Variants in RYR2 observed in about 807,000 individuals in gnomAD.
The protein encoded by RYR2 is cardiac muscle ryanodine receptor-calcium release channel.
A neutral mutation model predicts 601.1 loss-of-function variants in RYR2; 227 were observed. The ratio of observed to expected loss-of-function variants is 0.38; its 90% CI spans 0.34 to 0.42. The LOEUF (loss-of-function observed/expected upper bound fraction) is 0.42, where lower values mean the gene tolerates loss of function less well. RYR2 is among the 10% of genes least tolerant of loss of function. The pLI is 1.00. For missense variants in RYR2, 4,646 were observed against 6,156.5 expected, an observed-to-expected ratio of 0.75 and a Z score of 8.21; for synonymous variants, 2,223 against 2,175.1, an observed-to-expected ratio of 1.02 and a Z score of -0.61.
intron 101 of RYR2, among the ~76,000 whole-genome samples, chr1:237,826,169 A>G (rs1663063067): frequency 2.0e-5 from 3 of 152,192 alleles, no homozygotes; most frequent in Non-Finnish European, 2.9e-5. Context: ...TACTGGGGAT[A>G]TATCCAAAGA....
At position 237,114,462 on chromosome 1, in the gene RYR2, G is replaced by T. The variant is rs138138970; in HGVS notation, c.48+71893G>T. On this transcript the variant is annotated intron_variant, in intron 1 of 104. Coordinates refer to ENST00000366574, the MANE Select transcript of RYR2 (RefSeq NM_001035.3). The stretch of plus-strand genomic sequence containing the variant: ...AAGTAACACTGAATTAAAGAAGTTT[G>T]TATTTCAGAGTGGAAGAGTACAGTA... 9.7e-3 allele frequency among the ~76,000 whole-genome samples: 1,470 copies of T among 152,320 alleles called. 20 individuals are homozygous for T. Among genetic ancestry groups the T allele is most frequent in the South Asian group, 0.042 (204 of 4,828 alleles).
At chr1:237,136,435 A>G (rs1242732778) in intron 1 of RYR2, among the ~76,000 whole-genome samples, 1 of 152,148 alleles carries the variant, frequency 6.6e-6, no homozygotes, top group Non-Finnish European at 1.5e-5. Flanking sequence ...GCTATAAATG[A>G]CATAGGGTCA....
chr1:237,173,454 C>T (rs1459535005), intron 1 of RYR2, among the ~76,000 whole-genome samples: 1 of 152,176 alleles, frequency 6.6e-6, no homozygotes, highest in African/African-American at 2.4e-5. Flanking sequence ...AGGACTCCTA[C>T]ACTTGAAAAG....
At chr1:237,624,364 C>A (rs1057078526) in intron 39 of RYR2, among the ~76,000 whole-genome samples, 1 of 152,066 alleles carries the variant, frequency 6.6e-6, no homozygotes, top group Non-Finnish European at 1.5e-5. Flanking sequence ...ACAAACAAAA[C>A]CCCCCAAAAC....
chr1:237,358,431 C>G (rs986334497), intron 4 of RYR2, among the ~76,000 whole-genome samples: 3 of 151,800 alleles, frequency 2.0e-5, no homozygotes, highest in African/African-American at 7.3e-5. Flanking sequence ...GAAAGCTTGG[C>G]AGGAAAGGTC....
intron 97 of RYR2, among the ~76,000 whole-genome samples, chr1:237,801,367 CA>C (rs71162423): frequency 0.02 from 1,866 of 95,420 alleles, 12 homozygotes; most frequent in African/African-American, 0.071. Context: ...CCCATCTCTA[CA>C]AAAAAAAAAA....
intron 1 of RYR2, among the ~76,000 whole-genome samples, chr1:237,157,816 A>G (rs376333535): frequency 4.5e-4 from 68 of 152,348 alleles, no homozygotes; most frequent in African/African-American, 1.6e-3. Flanking sequence ...CTGGTATTCA[A>G]TAGCACAATA....
intron 10 of RYR2, among the ~76,000 whole-genome samples, chr1:237,401,849 A>G (rs950208118): frequency 3.9e-5 from 6 of 152,196 alleles, no homozygotes; most frequent in African/African-American, 1.2e-4. Context: ...GGGGCCCACC[A>G]TGAACCACAT....
chr1:237,763,183 G>A (rs75632483), intron 84 of RYR2, among the ~76,000 whole-genome samples: 1,709 of 152,180 alleles, frequency 0.011, 16 homozygotes, highest in Non-Finnish European at 0.018. Flanking sequence ...TTACATTTTC[G>A]GATTGGTTTT....
intron 1 of RYR2, among the ~76,000 whole-genome samples, chr1:237,087,961 G>A (rs750815502): frequency 3.9e-5 from 6 of 152,182 alleles, no homozygotes; most frequent in Non-Finnish European, 7.3e-5. Context: ...ATTGGTATTT[G>A]TGCCACCCAT....
chr1:237,173,207 C>T (rs904435771), intron 1 of RYR2, among the ~76,000 whole-genome samples: 8 of 151,466 alleles, frequency 5.3e-5, no homozygotes, highest in Non-Finnish European at 1.2e-4. Flanking sequence ...TGCATCCAGA[C>T]AGGGTTTGAA....
chr1:237,438,313 T>C (rs899502931), intron 12 of RYR2, among the ~76,000 whole-genome samples: 1 of 152,158 alleles, frequency 6.6e-6, no homozygotes, highest in African/African-American at 2.4e-5. Context: ...TATACTCTTG[T>C]TGTTTTTGTT....
At chr1:237,437,776 C>CT (rs1160080997) in intron 12 of RYR2, among the ~76,000 whole-genome samples, 1 of 152,164 alleles carries the variant, frequency 6.6e-6, no homozygotes. Context: ...GTCATTTTAT[C>CT]TTTGAGTATT....
In RYR2 at chr1:237,111,211, G is replaced by T. The variant is rs551718160; in HGVS notation, c.48+68642G>T. Among the ~76,000 whole-genome samples the T allele has an allele frequency of 2.0e-4, 30 of 152,330 alleles. 1 individual carries two copies. Among genetic ancestry groups the T allele is most frequent in the African/African-American group, 7.2e-4 (30 of 41,580 alleles). ...CATTCACAGCACTGTGCTTGTTGGA[G>T]TATTTGTACCATTGCCTCTTCCAAC... On this transcript the variant is annotated intron_variant, in intron 1 of 104. Transcript: ENST00000366574.
intron 1 of RYR2, among the ~76,000 whole-genome samples, chr1:237,246,473 T>C (rs927325775): frequency 2.0e-5 from 3 of 152,180 alleles, no homozygotes; most frequent in Non-Finnish European, 4.4e-5. Context: ...TTGCCAGTGC[T>C]TCCTTTCCCT....
At chr1:237,443,125 C>T (rs1231878246) in intron 13 of RYR2, among the ~76,000 whole-genome samples, 1 of 152,132 alleles carries the variant, frequency 6.6e-6, no homozygotes. Context: ...GTGTGTCTTC[C>T]AAAGTACTCA....
At chr1:237,769,447 G>A (rs566435965) in intron 84 of RYR2, among the ~76,000 whole-genome samples, 1 of 152,264 alleles carries the variant, frequency 6.6e-6, no homozygotes, top group Admixed American at 6.5e-5. Flanking sequence ...ATTTGCATAC[G>A]TGGTGATTTT....
chr1:237,470,840 G>GAGAGAGAGGGAGAGATAGGGAA (rs1660637074), intron 17 of RYR2, among the ~76,000 whole-genome samples: 1 of 152,006 alleles, frequency 6.6e-6, no homozygotes, highest in African/African-American at 2.4e-5. Flanking sequence ...CTGTCTCAAA[G>GAGAGAGAGGGAGAGATAGGGAA]AGAGAGAGGG....
intron 11 of RYR2, among the ~76,000 whole-genome samples, chr1:237,420,412 C>T (rs923823608): frequency 4.6e-5 from 7 of 152,060 alleles, no homozygotes; most frequent in South Asian, 2.1e-4. Context: ...GAGTAAATAT[C>T]GATAATACGT....
Sources: gnomAD v4.1 joint callset for allele counts (sites outside exome capture counted in the v4.1 genomes callset) on GRCh38, gnomAD v4.1.1 for gene constraint, MANE v1.5 for transcripts, NCBI Gene and HGNC (gene_info 2026-07-23, HGNC 2026-07-21) for gene names.